Variants in AOPEP observed in about 807,000 individuals in gnomAD.
AOPEP encodes the protein aminopeptidase O (putative).
Under a neutral mutation model 98.1 loss-of-function variants are expected in AOPEP, and 77 were observed. That is an observed-to-expected ratio of 0.78 (90% CI 0.65 to 0.95). The LOEUF (loss-of-function observed/expected upper bound fraction) is 0.95. Ranked by LOEUF, AOPEP falls within the 40% of genes least tolerant of loss-of-function variation. AOPEP has a pLI of 0.00. For missense variants in AOPEP, 1,024 were observed against 1,024.7 expected, an observed-to-expected ratio of 1.00 and a Z score of 0.01; for synonymous variants, 346 against 365.3, an observed-to-expected ratio of 0.95 and a Z score of 0.60.
intron 13 of AOPEP, among the ~76,000 whole-genome samples, chr9:95,037,484 G>A (rs1048097866): frequency 1.5e-4 from 23 of 152,180 alleles, no homozygotes; most frequent in Admixed American, 7.2e-4. Flanking sequence ...AAGCACCAAA[G>A]CTCGATGAAT....
intron 5 of AOPEP, among the ~76,000 whole-genome samples, chr9:94,858,030 C>T (rs2044448457): frequency 6.6e-6 from 1 of 151,380 alleles, no homozygotes; most frequent in Admixed American, 6.6e-5. Flanking sequence ...TCTCCCAGCT[C>T]AGCCTGTAGC....
rs563929336 is a variant in AOPEP at position 94,733,713 on chromosome 9, A to T, written c.-136+6962A>T. ...AAATTAAGTGTCAGTTGCCTGTTTA[A>T]ATTTAAAAGATGATTGAGCTCCTGA... is the stretch of plus-strand genomic sequence containing the variant. On this transcript the variant is annotated intron_variant, in intron 1 of 16. Transcript: ENST00000375315. Among the ~76,000 whole-genome samples, 6 of 152,310 alleles carry T rather than the reference A, an allele frequency of 3.9e-5. No homozygotes were observed. In the East Asian group the frequency reaches 1.2e-3, roughly 29 times the overall value.
chr9:94,817,940 A>G (rs116032960), intron 5 of AOPEP, among the ~76,000 whole-genome samples: 1,725 of 152,276 alleles, frequency 0.011, 35 homozygotes, highest in African/African-American at 0.039. Flanking sequence ...CCTTGGGAGA[A>G]TGGAAGCCTC....
chr9:95,055,944 T>C (rs1031882824), intron 13 of AOPEP, among the ~76,000 whole-genome samples: 1 of 151,766 alleles, frequency 6.6e-6, no homozygotes, highest in Non-Finnish European at 1.5e-5. Flanking sequence ...TAGACAAATA[T>C]AGCAGAGAAT....
chr9:94,733,097 TTCTTTC>T (rs1564029788), intron 1 of AOPEP, among the ~76,000 whole-genome samples: 2 of 150,710 alleles, frequency 1.3e-5, no homozygotes, highest in African/African-American at 4.9e-5. Context: ...TTTAATCATT[TTCTTTC>T]TCTTTTTTTT....
the AOPEP span, chr9:95,101,504 TCTGA>T: frequency 4.6e-6 from 3 of 647,264 alleles, no homozygotes; most frequent in South Asian, 3.7e-5. Context: ...AGTGAACATG[TCTGA>T]CTGAGTCTGG....
chr9:94,932,003 T>C (rs2055398108), intron 7 of AOPEP: 4 of 1,206,540 alleles, frequency 3.3e-6, no homozygotes, highest in Middle Eastern at 3.2e-4. Flanking sequence ...TCAGAAAGAC[T>C]GAATAACGTG....
intron 5 of AOPEP, among the ~76,000 whole-genome samples, chr9:94,830,803 G>A (rs1855796884): frequency 6.6e-6 from 1 of 152,208 alleles, no homozygotes; most frequent in South Asian, 2.1e-4. Flanking sequence ...CTAATGACCA[G>A]TGATGTTGAG....
intron 5 of AOPEP, among the ~76,000 whole-genome samples, chr9:94,885,668 A>G (rs917673070): frequency 6.6e-6 from 1 of 152,120 alleles, no homozygotes; most frequent in Non-Finnish European, 1.5e-5. Context: ...AGTAGTCTTC[A>G]TCAAGCCAAA....
At chr9:94,821,982 C>CAG (rs1853290290) in intron 5 of AOPEP, among the ~76,000 whole-genome samples, 1 of 132,194 alleles carries the variant, frequency 7.6e-6, no homozygotes, top group South Asian at 2.3e-4. Flanking sequence ...CACACACACA[C>CAG]ACACACACAC....
the AOPEP span, chr9:95,100,566 G>A: frequency 4.3e-5 from 10 of 231,338 alleles, no homozygotes; most frequent in East Asian, 6.1e-4. Context: ...TACAATTCCA[G>A]AATGTCCCTG....
At chr9:94,785,988 A>G (rs998138725) in intron 3 of AOPEP, among the ~76,000 whole-genome samples, 1 of 152,162 alleles carries the variant, frequency 6.6e-6, no homozygotes, top group South Asian at 2.1e-4. Flanking sequence ...CTTGAACTCC[A>G]TATGTGGGCC....
intron 2 of AOPEP, among the ~76,000 whole-genome samples, chr9:94,766,375 A>G (rs1465743677): frequency 6.6e-6 from 1 of 152,142 alleles, no homozygotes; most frequent in Non-Finnish European, 1.5e-5. Flanking sequence ...CGTCTCTACT[A>G]AAATACAAAA....
At chr9:94,851,630 T>G (rs2043564440) in intron 5 of AOPEP, among the ~76,000 whole-genome samples, 1 of 151,608 alleles carries the variant, frequency 6.6e-6, no homozygotes, top group East Asian at 1.9e-4. Flanking sequence ...TACTTCACTG[T>G]GATCTGATGA....
chr9:94,934,304 A>C (rs2055889074), intron 7 of AOPEP, among the ~76,000 whole-genome samples: 19 of 125,748 alleles, frequency 1.5e-4, no homozygotes, highest in East Asian at 4.5e-4. Flanking sequence ...CTATGCTCAC[A>C]CTTCTCCCAT....
At chr9:94,897,605 A>C (rs1382578201) in intron 5 of AOPEP, among the ~76,000 whole-genome samples, 2 of 152,226 alleles carry the variant, frequency 1.3e-5, no homozygotes, top group Non-Finnish European at 2.9e-5. Flanking sequence ...AAAGAAATAC[A>C]AAAAGAAATA....
intron 14 of AOPEP, 194 bp downstream of exon 14, chr9:95,061,004 T>G (rs1387635618): frequency 2.0e-6 from 1 of 495,190 alleles, no homozygotes; most frequent in Non-Finnish European, 3.6e-6. Context: ...TTTGAGGTCT[T>G]AAGTTTTTCC....
chr9:94,856,489 A>C (rs1274360447), intron 5 of AOPEP, among the ~76,000 whole-genome samples: 1 of 152,088 alleles, frequency 6.6e-6, no homozygotes, highest in African/African-American at 2.4e-5. Context: ...TAAAAATACA[A>C]AATTAGCCAG....
chr9:94,739,884 C>T (rs1832689431), intron 1 of AOPEP, among the ~76,000 whole-genome samples: 1 of 152,142 alleles, frequency 6.6e-6, no homozygotes, highest in Admixed American at 6.5e-5. Context: ...CCCTCCCCAT[C>T]TTGAGGGTGG....
Sources: gnomAD v4.1 joint callset for allele counts (sites outside exome capture counted in the v4.1 genomes callset) on GRCh38, gnomAD v4.1.1 for gene constraint, MANE v1.5 for transcripts, NCBI Gene and HGNC (gene_info 2026-07-23, HGNC 2026-07-21) for gene names.